Variants in SLIT2 observed in about 807,000 individuals in gnomAD.
SLIT2 encodes the protein slit homolog 2 protein.
Under a neutral mutation model 185.7 loss-of-function variants are expected in SLIT2, and 41 were observed. The ratio of observed to expected loss-of-function variants is 0.22; its 90% CI spans 0.17 to 0.29. SLIT2 has a LOEUF of 0.29. SLIT2 is among the 10% of genes least tolerant of loss of function. SLIT2 has a pLI of 1.00. For synonymous variants in SLIT2, 693 were observed against 680.2 expected, an observed-to-expected ratio of 1.02 and a Z score of -0.29; for missense variants, 1,571 against 1,909.0, an observed-to-expected ratio of 0.82 and a Z score of 3.30.
intron 9 of SLIT2, among the ~76,000 whole-genome samples, chr4:20,498,500 A>C (rs912253154): frequency 9.2e-5 from 14 of 152,332 alleles, no homozygotes; most frequent in African/African-American, 3.4e-4. Context: ...TACAATTTTG[A>C]ATGTGATGTG....
intron 4 of SLIT2, among the ~76,000 whole-genome samples, chr4:20,409,218 C>T (rs1234452626): frequency 6.6e-6 from 1 of 152,152 alleles, no homozygotes; most frequent in Non-Finnish European, 1.5e-5. Flanking sequence ...GCTCTCCTTC[C>T]TCTCACTTCT....
At chr4:20,507,818 GTTA>G (rs1719346347) in intron 9 of SLIT2, among the ~76,000 whole-genome samples, 1 of 151,704 alleles carries the variant, frequency 6.6e-6, no homozygotes, top group South Asian at 2.1e-4. Flanking sequence ...ATAGCACTAC[GTTA>G]TTGTGAGCAA....
At chr4:20,522,890 T>C (rs1212419241) in intron 12 of SLIT2, among the ~76,000 whole-genome samples, 2 of 152,056 alleles carry the variant, frequency 1.3e-5, no homozygotes, top group African/African-American at 4.8e-5. Context: ...GATGATTTAC[T>C]GTGGGGGTAG....
chr4:20,368,219 C>CAAAAAAAAAAAAAAAAAAAAAAAA (rs71653879), intron 4 of SLIT2, among the ~76,000 whole-genome samples: 17 of 107,394 alleles, frequency 1.6e-4, no homozygotes, highest in African/African-American at 3.4e-4. Flanking sequence ...CACAAAATAG[C>CAAAAAAAAAAAAAAAAAAAAAAAA]AAAAAAAAAA....
chr4:20,600,380 C>T (rs1360929432), intron 33 of SLIT2, among the ~76,000 whole-genome samples: 1 of 128,562 alleles, frequency 7.8e-6, no homozygotes, highest in Non-Finnish European at 1.6e-5. Context: ...TGGAGTGTAT[C>T]TTGTGACATT....
intron 4 of SLIT2, among the ~76,000 whole-genome samples, chr4:20,330,675 G>A (rs931097396): frequency 6.1e-5 from 9 of 148,272 alleles, no homozygotes; most frequent in African/African-American, 2.3e-4. Flanking sequence ...CTCACAGTTG[G>A]TTTTGTGGAT....
At chr4:20,260,316 T>C (rs1244442067) in intron 3 of SLIT2, among the ~76,000 whole-genome samples, 1 of 151,744 alleles carries the variant, frequency 6.6e-6, no homozygotes, top group Non-Finnish European at 1.5e-5. Context: ...ATGTATTGTG[T>C]AAATTTATAT....
intron 29 of SLIT2, among the ~76,000 whole-genome samples, chr4:20,583,795 T>C (rs1430414377): frequency 1.3e-5 from 2 of 151,440 alleles, no homozygotes; most frequent in Non-Finnish European, 2.9e-5. Flanking sequence ...GGCGACAGAA[T>C]GAGACTCCAT....
chr4:20,279,793 GT>G (rs1714539854), intron 4 of SLIT2, among the ~76,000 whole-genome samples: 1 of 152,092 alleles, frequency 6.6e-6, no homozygotes, highest in Admixed American at 6.5e-5. Flanking sequence ...CTGTATCACT[GT>G]TTCCTGTCCC....
chr4:20,333,469 C>G (rs1379128496), intron 4 of SLIT2, among the ~76,000 whole-genome samples: 1 of 152,074 alleles, frequency 6.6e-6, no homozygotes, highest in Non-Finnish European at 1.5e-5. Context: ...TCTCCCTCTC[C>G]CTCCACTGAA....
chr4:20,570,640 C>A (rs1725494551), intron 29 of SLIT2, among the ~76,000 whole-genome samples: 1 of 150,252 alleles, frequency 6.7e-6, no homozygotes, highest in African/African-American at 2.4e-5. Flanking sequence ...AACCAAGCCA[C>A]TGTCACTGCA....
At chr4:20,562,054 C>T (rs1162677860) in intron 26 of SLIT2, among the ~76,000 whole-genome samples, 1 of 151,716 alleles carries the variant, frequency 6.6e-6, no homozygotes, top group Non-Finnish European at 1.5e-5. Flanking sequence ...GCCTGGTAAT[C>T]CAAAAGGTGT....
rs80011284 is a variant in SLIT2 at position 20,459,234 on chromosome 4, C to A, written c.396-8518C>A. On this transcript the variant is annotated intron_variant, in intron 4 of 36. Transcript: ENST00000504154. ...AAAGCCCAAAGTACTTATTCCATAT[C>A]GAATTTTATTAAGATTTGCAAGAGG... is the stretch of plus-strand genomic sequence containing the variant. Among the ~76,000 whole-genome samples the A allele has an allele frequency of 4.2e-3, 640 of 151,804 alleles. 4 individuals are homozygous for A. The highest frequency in any genetic ancestry group is 0.015 in the African/African-American group (614 of 41,366).
intron 22 of SLIT2, among the ~76,000 whole-genome samples, chr4:20,548,093 A>G (rs1723413533): frequency 6.6e-6 from 1 of 152,094 alleles, no homozygotes; most frequent in East Asian, 1.9e-4. Context: ...TTTATTTCCC[A>G]CCGGCAAAAT....
intron 4 of SLIT2, among the ~76,000 whole-genome samples, chr4:20,301,493 A>G (rs1233567593): frequency 6.6e-6 from 1 of 152,140 alleles, no homozygotes; most frequent in South Asian, 2.1e-4. Flanking sequence ...AACGGGGCAT[A>G]CTAACTCTAT....
At chr4:20,554,426 T>C in intron 26 of SLIT2, 1 of 431,086 alleles carries the variant, frequency 2.3e-6, no homozygotes. Flanking sequence ...TTGATGTTCT[T>C]GTTTCTTGCT....
chr4:20,269,010 G>GT (rs1713324501), intron 4 of SLIT2, 129 bp downstream of exon 4: 1 of 633,154 alleles, frequency 1.6e-6, no homozygotes, highest in Non-Finnish European at 2.8e-6. Context: ...AAAAGTTTGT[G>GT]TTTTTTCTTT....
intron 11 of SLIT2, among the ~76,000 whole-genome samples, chr4:20,517,683 T>G (rs1359388000): frequency 2.0e-5 from 3 of 152,184 alleles, no homozygotes; most frequent in African/African-American, 7.2e-5. Flanking sequence ...CTCTTTACAC[T>G]ATAATAGCAC....
chr4:20,510,545 C>G lies in SLIT2; in HGVS notation c.965C>G (p.Pro322Arg). 1 of 1,606,616 alleles carries G rather than the reference C, an allele frequency of 6.2e-7. No homozygotes were observed. Among genetic ancestry groups the G allele is most frequent in the Non-Finnish European group, 8.5e-7 (1 of 1,173,854 alleles). Reference sequence around the variant, plus strand: ...GTCATCCCTCCTGGAGCTTTCTCACCATATAAAAAGCTTAGACGAATGTGA... The same window carrying G: ...GTCATCCCTCCTGGAGCTTTCTCACGATATAAAAAGCTTAGACGAATGTGA... ...IKVIPPGAFS[P>R]YKKLRRIDLS... The change falls in exon 10 of 37, where the codon CCA becomes CGA. Residue 322 changes from proline to arginine, a missense_variant. Physicochemically the swap from Pro to Arg is moderately radical, Grantham distance 103. Around this residue, in one of 3 missense-constraint regions of SLIT2, gnomAD observed 1,202 missense variants for 1,416.4 expected, o/e 0.85. Transcript: ENST00000504154.
Sources: allele counts gnomAD v4.1 joint callset (sites outside exome capture counted in the v4.1 genomes callset), GRCh38; gene constraint gnomAD v4.1.1; regional missense constraint gnomAD v4.1.1; transcripts MANE v1.5; gene names NCBI Gene and HGNC (gene_info 2026-07-23, HGNC 2026-07-21).